BBS12: variants seen among roughly 807,000 people sequenced by gnomAD.
BBS12 encodes the protein chaperonin-containing T-complex member BBS12.
Under a neutral mutation model 5.6 loss-of-function variants are expected in BBS12, and 5 were observed. The ratio of observed to expected loss-of-function variants is 0.89; its 90% CI spans 0.46 to 1.86. The LOEUF is 1.86. Among genes scored for constraint, BBS12 ranks in the 40% most tolerant of loss-of-function variants. The pLI is 0.01. For missense variants in BBS12, 748 were observed against 830.4 expected (o/e 0.90, Z 1.22); for synonymous variants, 308 against 306.8 (o/e 1.00, Z -0.04).
the BBS12 span, among the ~76,000 whole-genome samples, chr4:122,724,154 A>G: frequency 2.6e-5 from 4 of 152,160 alleles, no homozygotes; most frequent in African/African-American, 9.7e-5. Context: ...TTGTTATTGC[A>G]CAGTTTCTAT....
chr4:122,710,217 C>A, the BBS12 span, among the ~76,000 whole-genome samples: 2 of 152,136 alleles, frequency 1.3e-5, no homozygotes, highest in Non-Finnish European at 2.9e-5. Flanking sequence ...ATTTTTCATG[C>A]CAAAGGCGAT....
the BBS12 span, among the ~76,000 whole-genome samples, chr4:122,721,900 G>A: frequency 1.3e-3 from 201 of 152,302 alleles, 1 homozygote; most frequent in Non-Finnish European, 5.6e-4. Flanking sequence ...CTGTTGATGA[G>A]AGGAATGTCA....
the BBS12 span, among the ~76,000 whole-genome samples, chr4:122,714,301 G>C: frequency 6.6e-6 from 1 of 152,284 alleles, no homozygotes; most frequent in Admixed American, 6.5e-5. Context: ...CCGTCCTCCA[G>C]AACTGTGAGA....
the BBS12 span, among the ~76,000 whole-genome samples, chr4:122,721,677 C>T: frequency 6.6e-6 from 1 of 152,222 alleles, no homozygotes; most frequent in South Asian, 2.1e-4. Context: ...ATGTCCAGAA[C>T]ACCAAAATGT....
the BBS12 span, among the ~76,000 whole-genome samples, chr4:122,712,200 A>T: frequency 6.6e-6 from 1 of 152,240 alleles, no homozygotes; most frequent in African/African-American, 2.4e-5. Flanking sequence ...GGAACTTTTC[A>T]GCCTCCATAA....
chr4:122,723,897 C>T, the BBS12 span, among the ~76,000 whole-genome samples: 6 of 152,090 alleles, frequency 3.9e-5, no homozygotes, highest in Non-Finnish European at 7.4e-5. Context: ...GTTTCAGATG[C>T]GTGTGTGACA....
At chr4:122,704,404 A>G in the BBS12 span, among the ~76,000 whole-genome samples, 1 of 152,238 alleles carries the variant, frequency 6.6e-6, no homozygotes, top group African/African-American at 2.4e-5. Flanking sequence ...TTTGTTAAAG[A>G]CTTACAGGAT....
chr4:122,738,165 A>T (rs566311180), intron 1 of BBS12, among the ~76,000 whole-genome samples: 1 of 152,328 alleles, frequency 6.6e-6, no homozygotes, highest in African/African-American at 2.4e-5. Flanking sequence ...AAAATAGGTA[A>T]ATTAGATTTC....
At chr4:122,734,926 C>CA (rs1229219788) in intron 1 of BBS12, among the ~76,000 whole-genome samples, 423 of 152,270 alleles carry the variant, frequency 2.8e-3, no homozygotes, top group African/African-American at 8.1e-3. Context: ...CATAGGCACT[C>CA]TTAAATCTCC....
At chr4:122,738,986 A>G (rs1800826109) in intron 1 of BBS12, among the ~76,000 whole-genome samples, 1 of 152,182 alleles carries the variant, frequency 6.6e-6, no homozygotes, top group Non-Finnish European at 1.5e-5. Flanking sequence ...GTCATACTGG[A>G]TTAAGGTGGG....
the BBS12 span, among the ~76,000 whole-genome samples, chr4:122,722,754 T>C: frequency 6.6e-6 from 1 of 152,162 alleles, no homozygotes; most frequent in African/African-American, 2.4e-5. Context: ...TCTATATAAA[T>C]TCTTTTGGAT....
At chr4:122,725,689 G>T in the BBS12 span, among the ~76,000 whole-genome samples, 1 of 152,040 alleles carries the variant, frequency 6.6e-6, no homozygotes, top group South Asian at 2.1e-4. Flanking sequence ...ATGAGGTCAA[G>T]AGATTGAGAC....
chr4:122,715,919 T>G, the BBS12 span, among the ~76,000 whole-genome samples: 1 of 152,236 alleles, frequency 6.6e-6, no homozygotes, highest in Non-Finnish European at 1.5e-5. Flanking sequence ...TATACAACTG[T>G]TATTAACTCT....
At chr4:122,720,254 C>T in the BBS12 span, among the ~76,000 whole-genome samples, 1 of 152,128 alleles carries the variant, frequency 6.6e-6, no homozygotes, top group South Asian at 2.1e-4. Context: ...AGTTCGAGAC[C>T]AGCCTGGCCA....
Position 122,744,871 on chromosome 4 carries a change from T to C in BBS12, c.*846T>C, listed in dbSNP as rs1800965017. 1 of 167,230 alleles carries C rather than the reference T, an allele frequency of 6.0e-6. No homozygotes were observed. Among genetic ancestry groups the C allele is most frequent in the African/African-American group, 2.4e-5 (1 of 41,570 alleles). 10.4% of individuals were successfully genotyped at this position (167,230 alleles called of 1,614,324 possible). A position where few individuals can be genotyped will look rare whatever the true frequency, so the allele number is the denominator to read the frequency against. On this transcript the variant is annotated 3_prime_UTR_variant, in exon 2 of 2. Transcript: ENST00000314218. ...AGGGAGGACCAATAGGTCTTTTTAT[T>C]AGGCAGCCAGAATGTAGTGAAGGAC... is the stretch of plus-strand genomic sequence containing the variant.
the BBS12 span, among the ~76,000 whole-genome samples, chr4:122,725,641 G>A: frequency 2.0e-5 from 3 of 152,264 alleles, no homozygotes; most frequent in Admixed American, 6.5e-5. Context: ...GCTCTTGCCT[G>A]TAATCCTAGC....
Position 122,742,790 on chromosome 4 carries a change from C to T in BBS12, c.898C>T (p.Gln300Ter), listed in dbSNP as rs754448484. 4 of 1,614,094 alleles carry T rather than the reference C, an allele frequency of 2.5e-6. No homozygotes were observed. The highest frequency in any genetic ancestry group is 3.4e-6 in the Non-Finnish European group (4 of 1,180,044). The change falls in exon 2 of 2, where the codon CAA becomes TAA. Residue 300 changes from glutamine (Q) to a stop codon, truncating the protein, a stop_gained. Coordinates refer to ENST00000314218, the MANE Select transcript of BBS12 (RefSeq NM_152618.3). LOFTEE classifies it low-confidence loss of function (END_TRUNC). The part of the protein sequence containing the change: ...VQLQYQNACV[Q>*]QGNCTKPFMF... ...GCTGCAATATCAGAATGCTTGTGTGCAACAAGGCAACTGTACAAAACCATT... is the reference window on the plus strand; with the variant it reads ...GCTGCAATATCAGAATGCTTGTGTGTAACAAGGCAACTGTACAAAACCATT...
rs916863378 is a variant in BBS12 at position 122,742,027 on chromosome 4, T to C, written c.135T>C (p.His45=). The C allele has an allele frequency of 3.7e-6, 6 of 1,613,998 alleles. No homozygotes were observed. The highest frequency in any genetic ancestry group is 5.1e-6 in the Non-Finnish European group (6 of 1,179,872). The change falls in exon 2 of 2, where the codon CAT becomes CAC. Residue 45 remains histidine (H), a synonymous_variant. Coordinates refer to ENST00000314218, the MANE Select transcript of BBS12 (RefSeq NM_152618.3). ...SSKFIIDEEC[H]ESVLISSTVR... ...AATTTATTATAGATGAAGAATGTCA[T>C]GAAAGTGTATTAATCAGTTCAACAG...
chr4:122,744,021 TGTA>T lies in BBS12; in HGVS notation c.2132_*1del, dbSNP rs1578492553. On this transcript the variant is annotated stop_lost and inframe_deletion, in exon 2 of 2. Transcript: ENST00000314218. ...CAGGAATTAACGGGCTTTCTATTTT[TGTA>T]GTGTTACTGGCTAAGTCTTTGGAAA... 6.2e-7 allele frequency: 1 copy of T among 1,612,646 alleles called. No homozygotes were observed. Among genetic ancestry groups the T allele is most frequent in the Non-Finnish European group, 8.5e-7 (1 of 1,178,640 alleles).
Sources: allele counts gnomAD v4.1 joint callset (sites outside exome capture counted in the v4.1 genomes callset), GRCh38; gene constraint gnomAD v4.1.1; transcripts MANE v1.5; gene names NCBI Gene and HGNC (gene_info 2026-07-23, HGNC 2026-07-21).